The following FRMD6 variants were observed in gnomAD, a reference collection of about 807,000 sequenced individuals.
FRMD6 encodes the protein FERM domain-containing protein 6.
A neutral mutation model predicts 73.2 loss-of-function variants in FRMD6; 37 were observed. The ratio of observed to expected loss-of-function variants is 0.51; its 90% CI spans 0.39 to 0.66. The LOEUF is 0.66. FRMD6 is among the 30% of genes least tolerant of loss of function. FRMD6 has a pLI of 0.00. For missense variants in FRMD6, 714 were observed against 780.5 expected (o/e 0.91, Z 1.02); for synonymous variants, 273 against 282.2 (o/e 0.97, Z 0.33).
At chr14:51,601,006 AT>A (rs1890006746) in intron 2 of FRMD6, among the ~76,000 whole-genome samples, 1 of 152,222 alleles carries the variant, frequency 6.6e-6, no homozygotes, top group African/African-American at 2.4e-5. Context: ...TTGGGCAGCA[AT>A]TTTTAGAACA....
chr14:51,695,900 TC>T (rs1462714606), intron 2 of FRMD6, among the ~76,000 whole-genome samples: 1 of 152,182 alleles, frequency 6.6e-6, no homozygotes, highest in Non-Finnish European at 1.5e-5. Flanking sequence ...TTGTTTACTT[TC>T]AAATTTCAAG....
At chr14:51,552,042 A>G (rs1886869501) in intron 1 of FRMD6, among the ~76,000 whole-genome samples, 1 of 152,216 alleles carries the variant, frequency 6.6e-6, no homozygotes, top group Admixed American at 6.5e-5. Context: ...TGCCTAGCCT[A>G]TAGTAGTGTA....
chr14:51,460,347 A>G, the FRMD6 span, among the ~76,000 whole-genome samples: 1 of 152,238 alleles, frequency 6.6e-6, no homozygotes, highest in Non-Finnish European at 1.5e-5. Context: ...AATTTGCTCT[A>G]CATTCTTCCC....
intron 1 of FRMD6, among the ~76,000 whole-genome samples, chr14:51,569,830 T>A (rs1270704748): frequency 6.6e-6 from 1 of 150,928 alleles, no homozygotes; most frequent in African/African-American, 2.4e-5. Flanking sequence ...TTTCTTTTTT[T>A]TTTTTGAGAC....
the FRMD6 span, among the ~76,000 whole-genome samples, chr14:51,403,809 C>T: frequency 6.6e-5 from 10 of 151,996 alleles, no homozygotes; most frequent in African/African-American, 2.4e-4. Flanking sequence ...ATGAATATGC[C>T]ACAAACTTAA....
chr14:51,658,296 A>G (rs1892981134), intron 1 of FRMD6, among the ~76,000 whole-genome samples: 1 of 151,944 alleles, frequency 6.6e-6, no homozygotes, highest in Admixed American at 6.6e-5. Context: ...CCCTCCATAC[A>G]GAGCTCTGTT....
intron 1 of FRMD6, among the ~76,000 whole-genome samples, chr14:51,557,347 A>G (rs529265681): frequency 2.6e-4 from 40 of 152,254 alleles, no homozygotes; most frequent in Non-Finnish European, 5.1e-4. Flanking sequence ...TTTCAATGAC[A>G]TGGATGAACC....
chr14:51,523,374 C>T (rs1298375489), intron 1 of FRMD6, among the ~76,000 whole-genome samples: 2 of 152,122 alleles, frequency 1.3e-5, no homozygotes, highest in Non-Finnish European at 2.9e-5. Flanking sequence ...AGATAAGAGC[C>T]GATGACCAGA....
chr14:51,424,155 G>A, the FRMD6 span, among the ~76,000 whole-genome samples: 1 of 152,162 alleles, frequency 6.6e-6, no homozygotes, highest in Admixed American at 6.5e-5. Context: ...GAAAAAGACT[G>A]CTGCATTTTC....
chr14:51,427,044 AGAG>A, the FRMD6 span, among the ~76,000 whole-genome samples: 1 of 152,372 alleles, frequency 6.6e-6, no homozygotes, highest in South Asian at 2.1e-4. Context: ...ATCAGATATG[AGAG>A]TCTAAGTCCT....
chr14:51,493,573 C>A (rs1883134564), intron 1 of FRMD6, among the ~76,000 whole-genome samples: 1 of 152,190 alleles, frequency 6.6e-6, no homozygotes, highest in African/African-American at 2.4e-5. Context: ...GCATCCCCAG[C>A]CCTGTGGAAC....
the FRMD6 span, among the ~76,000 whole-genome samples, chr14:51,464,817 G>T: frequency 6.6e-6 from 1 of 152,168 alleles, no homozygotes; most frequent in Non-Finnish European, 1.5e-5. Flanking sequence ...CCAGAATGCT[G>T]CCAGCCAGGT....
chr14:51,485,808 CTA>C (rs1882749864), upstream of FRMD6, among the ~76,000 whole-genome samples: 1 of 152,144 alleles, frequency 6.6e-6, no homozygotes, highest in African/African-American at 2.4e-5. Flanking sequence ...CTGTATTTTT[CTA>C]CCTAAGCGAA....
chr14:51,559,345 CAA>C (rs71443180), intron 1 of FRMD6, among the ~76,000 whole-genome samples: 4 of 152,202 alleles, frequency 2.6e-5, no homozygotes, highest in African/African-American at 9.7e-5. Context: ...CAGTGTTTCT[CAA>C]AGTGTGGTCC....
chr14:51,536,038 A>G (rs1030144140), intron 1 of FRMD6, among the ~76,000 whole-genome samples: 1 of 147,328 alleles, frequency 6.8e-6, no homozygotes, highest in Admixed American at 6.8e-5. Context: ...CCTTGCCCAT[A>G]TATATATTAT....
intron 1 of FRMD6, among the ~76,000 whole-genome samples, chr14:51,508,130 C>T (rs1015635200): frequency 1.4e-4 from 22 of 152,310 alleles, no homozygotes; most frequent in East Asian, 5.8e-4. Flanking sequence ...GGCCTTGGCC[C>T]GGGCAATGAG....
chr14:51,725,140 C>T (rs1333764513), intron 12 of FRMD6, among the ~76,000 whole-genome samples: 1 of 152,204 alleles, frequency 6.6e-6, no homozygotes, highest in African/African-American at 2.4e-5. Flanking sequence ...TGTATAGTCC[C>T]TGTACCTCAC....
intron 2 of FRMD6, among the ~76,000 whole-genome samples, chr14:51,581,295 C>T (rs1303811434): frequency 6.6e-6 from 1 of 152,212 alleles, no homozygotes; most frequent in Non-Finnish European, 1.5e-5. Context: ...GACATTCATC[C>T]ATGGCTCATT....
At chr14:51,615,263 AT>A (rs1417167177) in intron 2 of FRMD6, among the ~76,000 whole-genome samples, 14 of 152,294 alleles carry the variant, frequency 9.2e-5, no homozygotes, top group African/African-American at 2.6e-4. Flanking sequence ...ATGAATTTTA[AT>A]TTCTAAAACT....
Sources: gnomAD v4.1 joint callset for allele counts (sites outside exome capture counted in the v4.1 genomes callset) on GRCh38, gnomAD v4.1.1 for gene constraint, MANE v1.5 for transcripts, NCBI Gene and HGNC (gene_info 2026-07-23, HGNC 2026-07-21) for gene names.